Variants in RAP1GAP observed in about 807,000 individuals in gnomAD.
The protein encoded by RAP1GAP is RAP1 GTPase activating protein, also known as rap1 GTPase-activating protein 1.
A neutral mutation model predicts 87.2 loss-of-function variants in RAP1GAP; 35 were observed. The observed-to-expected ratio is 0.40, with a 90% CI of 0.31 to 0.53. RAP1GAP has a LOEUF of 0.53. Among genes scored for constraint, RAP1GAP ranks in the 20% least tolerant of loss-of-function variants. The pLI is 0.48. For missense variants in RAP1GAP, 734 were observed against 898.9 expected, an observed-to-expected ratio of 0.82 and a Z score of 2.35; for synonymous variants, 375 against 363.9, an observed-to-expected ratio of 1.03 and a Z score of -0.35.
At chr1:21,649,704 T>C in intron 2 of RAP1GAP, 57 bp downstream of exon 2, 2 of 1,509,092 alleles carry the variant, frequency 1.3e-6, no homozygotes, top group South Asian at 1.2e-5. Flanking sequence ...GGATTGGGGG[T>C]ATCTGCAGGG....
intron 1 of RAP1GAP, among the ~76,000 whole-genome samples, chr1:21,657,518 A>G (rs2096913779): frequency 6.6e-6 from 1 of 152,250 alleles, no homozygotes; most frequent in African/African-American, 2.4e-5. Flanking sequence ...GGGTCAGAGA[A>G]GAGTGCAATT....
chr1:21,603,611 C>A lies in RAP1GAP; in HGVS notation c.1429-698G>T, dbSNP rs2071165493. 2 of 712,792 alleles carry A rather than the reference C, an allele frequency of 2.8e-6. No homozygotes were observed. Among genetic ancestry groups the A allele is most frequent in the Admixed American group, 1.9e-5 (1 of 52,168 alleles). The allele number at this position is 712,792 out of a possible 1,614,324, so 44.2% of individuals were successfully genotyped here. On this transcript the variant is annotated intron_variant, in intron 18 of 24. Transcript: ENST00000374765. This position sits in a 1 kb window ranked among gnomAD's most constrained non-coding sequence, Gnocchi z 6.0. ...TGGGCCAGGGTCCCAGGGGCCAAGG[C>A]AGGGCCAGAAGCCCCTGGTGAGGGG...
At chr1:21,616,478 A>G (rs79714367) in intron 7 of RAP1GAP, among the ~76,000 whole-genome samples, 19,260 of 152,298 alleles carry the variant, frequency 0.13, 1,572 homozygotes, top group South Asian at 0.19. Context: ...AAAGTTAAAT[A>G]ACTTGCCCAA....
chr1:21,604,155 C>T (rs746842432), intron 18 of RAP1GAP, among the ~76,000 whole-genome samples: 7 of 151,840 alleles, frequency 4.6e-5, no homozygotes, highest in South Asian at 4.2e-4. Context: ...GACAGTTACC[C>T]GGAGACAGGG....
At chr1:21,633,161 C>G (rs1372011306) in intron 2 of RAP1GAP, among the ~76,000 whole-genome samples, 3 of 152,208 alleles carry the variant, frequency 2.0e-5, no homozygotes, top group Non-Finnish European at 4.4e-5. Context: ...TTCAGGGCAC[C>G]AGAAGTGTGG....
chr1:21,597,877 G>A (rs775072257), intron 23 of RAP1GAP, 84 bp downstream of exon 23: 4 of 1,497,284 alleles, frequency 2.7e-6, no homozygotes, highest in Admixed American at 4.0e-5. Flanking sequence ...CCTCTTGGTC[G>A]AGCCTCAGCT....
Position 21,613,032 on chromosome 1 carries a change from A to C in RAP1GAP, c.528+144T>G. 1 of 929,256 alleles carries C rather than the reference A, an allele frequency of 1.1e-6. No individual in the cohort carries two copies. The highest frequency in any genetic ancestry group is 1.7e-6 in the Non-Finnish European group (1 of 589,068). The allele number at this position is 929,256 out of a possible 1,614,324, so 57.6% of individuals were successfully genotyped here. A position where few individuals can be genotyped will look rare whatever the true frequency, so the allele number is the denominator to read the frequency against. ...GCCCTTTCGGTGGCTCCTCTTCTGCAAATTGTGGACTTCACAGGGTTATTG... is the reference window on the plus strand; with the variant it reads ...GCCCTTTCGGTGGCTCCTCTTCTGCCAATTGTGGACTTCACAGGGTTATTG... On this transcript the variant is annotated intron_variant, in intron 10 of 24. Transcript: ENST00000374765. This position sits in a 1 kb window ranked among gnomAD's most constrained non-coding sequence, Gnocchi z 4.7.
At chr1:21,599,904 G>A (rs2066761023) in intron 20 of RAP1GAP, among the ~76,000 whole-genome samples, 2 of 152,232 alleles carry the variant, frequency 1.3e-5, no homozygotes, top group Admixed American at 1.3e-4. Flanking sequence ...CCTTGGCGTG[G>A]TGTTCAAAAA....
At position 21,603,872 on chromosome 1, in the gene RAP1GAP, C is replaced by A. The variant is rs748368506; in HGVS notation, c.1429-959G>T. The A allele has an allele frequency of 1.4e-5, 22 of 1,584,864 alleles. No individual in the cohort carries two copies. The Admixed American group carries it at 4.0e-4, about 29-fold the overall frequency. ...TCCTATGCCTATGGCACTGCCCCGG[C>A]GTCCGAATCTACTCGCACTTTTCCC... On this transcript the variant is annotated intron_variant, in intron 18 of 24. Coordinates refer to ENST00000374765, the MANE Select transcript of RAP1GAP (RefSeq NM_002885.4). The surrounding 1 kb of genome is among the most constrained non-coding windows in gnomAD (Gnocchi z 6.0).
chr1:21,613,136 T>C lies in RAP1GAP; in HGVS notation c.528+40A>G, dbSNP rs755688706. On this transcript the variant is annotated intron_variant, in intron 10 of 24. Coordinates refer to ENST00000374765, the MANE Select transcript of RAP1GAP (RefSeq NM_002885.4). This position sits in a 1 kb window ranked among gnomAD's most constrained non-coding sequence, Gnocchi z 4.7. ...AATAAATGCTCAGTCTTCCAGTTAC[T>C]CACCCACCCTCAGTGAGCTGTGCCC... 6.6e-7 allele frequency: 1 copy of C among 1,520,058 alleles called. No homozygotes were observed. Among genetic ancestry groups the C allele is most frequent in the Non-Finnish European group, 9.1e-7 (1 of 1,094,536 alleles). 94.2% of individuals were successfully genotyped at this position (1,520,058 alleles called of 1,614,324 possible). A position where few individuals can be genotyped will look rare whatever the true frequency, so the allele number is the denominator to read the frequency against.
In RAP1GAP at chr1:21,606,061, C is replaced by G; in HGVS notation, c.1428+5G>C. ...CCGGGGCCTGGGGAGGGGGAGGGCA[C>G]TCACTATTCCAGCCGCCTTGGCCAG... On this transcript the variant is annotated splice_donor_5th_base_variant and intron_variant, in intron 18 of 24. Transcript: ENST00000374765. 6.3e-7 allele frequency: 1 copy of G among 1,576,830 alleles called. No homozygotes were observed. The highest frequency in any genetic ancestry group is 8.6e-7 in the Non-Finnish European group (1 of 1,162,626).
In RAP1GAP at chr1:21,622,372, C is replaced by T; in HGVS notation, c.-18-2322G>A. 2.2e-6 allele frequency: 1 copy of T among 447,848 alleles called. No individual in the cohort carries two copies. Among genetic ancestry groups the T allele is most frequent in the African/African-American group, 2.1e-5 (1 of 48,370 alleles). 27.7% of individuals were successfully genotyped at this position (447,848 alleles called of 1,614,324 possible). A position where few individuals can be genotyped will look rare whatever the true frequency, so the allele number is the denominator to read the frequency against. On this transcript the variant is annotated intron_variant, in intron 3 of 24. Coordinates refer to ENST00000374765, the MANE Select transcript of RAP1GAP (RefSeq NM_002885.4). The surrounding 1 kb of genome is among the most constrained non-coding windows in gnomAD (Gnocchi z 5.7). ...TGGCCCCCGCGGGCAGCGAGCCCCT[C>T]CGCGGACGGCCGGGTGGCACCGCGG...
chr1:21,660,831 G>T (rs2097129005), intron 1 of RAP1GAP, among the ~76,000 whole-genome samples: 1 of 152,150 alleles, frequency 6.6e-6, no homozygotes. Flanking sequence ...TCTTCTTTGG[G>T]ATACACAAAG....
At chr1:21,614,386 G>A (rs2080582581) in intron 7 of RAP1GAP, among the ~76,000 whole-genome samples, 2 of 152,190 alleles carry the variant, frequency 1.3e-5, no homozygotes, top group Non-Finnish European at 2.9e-5. Context: ...GAAGTGCTTG[G>A]CTCAGTTCAG....
intron 1 of RAP1GAP, chr1:21,651,370 G>C (rs1260172465): frequency 3.9e-6 from 2 of 508,610 alleles, no homozygotes; most frequent in Non-Finnish European, 7.9e-6. Flanking sequence ...CCCCTGACCT[G>C]CCTGCCCCTA....
chr1:21,617,319 T>C lies in RAP1GAP; in HGVS notation c.278A>G (p.His93Arg). The C allele has an allele frequency of 6.3e-7, 1 of 1,577,910 alleles. No individual in the cohort carries two copies. Among genetic ancestry groups the C allele is most frequent in the Middle Eastern group, 1.7e-4 (1 of 6,012 alleles). The change falls in exon 7 of 25, where the codon CAC (histidine) becomes CGC (arginine). Residue 93 changes from histidine to arginine, a missense_variant. His to Arg is a conservative substitution (Grantham distance 29). Around this residue, in one of 2 missense-constraint regions of RAP1GAP, gnomAD observed 485 missense variants for 646.2 expected, o/e 0.75. Coordinates refer to ENST00000374765, the MANE Select transcript of RAP1GAP (RefSeq NM_002885.4). ...CCGGCCACCCACCTTGCCGAGAAAG[T>C]GCTTCCGGTAGATGCGGGCTGTGGG... is the stretch of plus-strand genomic sequence containing the variant. The part of the protein sequence containing the change: ...CNPTARIYRK[H>R]FLGKEHFNYY...
At chr1:21,651,457 C>G in intron 1 of RAP1GAP, 1 of 599,454 alleles carries the variant, frequency 1.7e-6, no homozygotes, top group Non-Finnish European at 3.3e-6. Context: ...GGCGGAGTAG[C>G]CCCGCAGCCC....
intron 1 of RAP1GAP, among the ~76,000 whole-genome samples, chr1:21,663,445 G>C (rs960382456): frequency 1.3e-5 from 2 of 152,188 alleles, no homozygotes; most frequent in Non-Finnish European, 2.9e-5. Context: ...ATCAGCTCAG[G>C]CCTTGTCCTG....
chr1:21,641,164 C>T (rs1256610549), intron 2 of RAP1GAP, among the ~76,000 whole-genome samples: 1 of 150,924 alleles, frequency 6.6e-6, no homozygotes, highest in Non-Finnish European at 1.5e-5. Flanking sequence ...TGGTGATCCA[C>T]CCACCTCGGC....
Sources: gnomAD v4.1 joint callset for allele counts (sites outside exome capture counted in the v4.1 genomes callset) on GRCh38, gnomAD v4.1.1 for gene constraint, gnomAD v4.1.1 regional missense constraint, Gnocchi (gnomAD v3.1) non-coding constraint, MANE v1.5 for transcripts, NCBI Gene and HGNC (gene_info 2026-07-23, HGNC 2026-07-21) for gene names.